The following EOGT variants were observed in gnomAD, a reference collection of about 807,000 sequenced individuals.
EOGT encodes the protein EGF domain specific O-linked N-acetylglucosamine transferase, also known as EGF domain-specific O-linked N-acetylglucosamine transferase.
In EOGT, 55 loss-of-function variants were observed where a neutral mutation model predicts 70.5. That is an observed-to-expected ratio of 0.78 (90% CI 0.63 to 0.98). The LOEUF (loss-of-function observed/expected upper bound fraction) is 0.98, where lower values mean the gene tolerates loss of function less well. Among genes scored for constraint, EOGT ranks in the 50% least tolerant of loss-of-function variants. EOGT has a pLI of 0.00. For synonymous variants in EOGT, 246 were observed against 217.1 expected (o/e 1.13, Z -1.17); for missense variants, 703 against 641.9 (o/e 1.10, Z -1.03).
chr3:68,995,383 G>A lies in EOGT; in HGVS notation c.831+2628C>T, dbSNP rs149336124. ...AAATGGCTTCTTTGACCAAGCGTCCGGGTTTAAAATGGATGCACATGGAGT... is the reference window on the plus strand; with the variant it reads ...AAATGGCTTCTTTGACCAAGCGTCCAGGTTTAAAATGGATGCACATGGAGT... On this transcript the variant is annotated intron_variant, in intron 10 of 17. Transcript: ENST00000383701. Among the ~76,000 whole-genome samples the A allele has an allele frequency of 2.3e-3, 357 of 152,234 alleles. 1 individual carries two copies. Among genetic ancestry groups the A allele is most frequent in the Admixed American group, 0.01 (153 of 15,290 alleles).
In EOGT at chr3:68,976,580, G is replaced by A. The variant is rs1283219111; in HGVS notation, c.*1038C>T. 6.6e-6 allele frequency: 1 copy of A among 151,828 alleles called. No homozygotes were observed. The highest frequency in any genetic ancestry group is 1.5e-5 in the Non-Finnish European group (1 of 67,984). The allele number at this position is 151,828 out of a possible 1,614,324, so 9.4% of individuals were successfully genotyped here. ...AGGTTCTCGATGCATATAACCTGGA[G>A]GTGACTAAACGCTGATCTATAACAT... is the stretch of plus-strand genomic sequence containing the variant. On this transcript the variant is annotated 3_prime_UTR_variant, in exon 18 of 18. Coordinates refer to ENST00000383701, the MANE Select transcript of EOGT (RefSeq NM_001278689.2).
In EOGT at chr3:68,976,454, G is replaced by A. The variant is rs942849344; in HGVS notation, c.*1164C>T. ...GGTATGCAAGACAGTCCTACAGAATGTTCTAATTTGCTTTTATCACATGTA... is the reference window on the plus strand; with the variant it reads ...GGTATGCAAGACAGTCCTACAGAATATTCTAATTTGCTTTTATCACATGTA... On this transcript the variant is annotated 3_prime_UTR_variant, in exon 18 of 18. Coordinates refer to ENST00000383701, the MANE Select transcript of EOGT (RefSeq NM_001278689.2). 1.3e-5 allele frequency: 2 copies of A among 152,176 alleles called. No individual in the cohort carries two copies. The highest frequency in any genetic ancestry group is 4.8e-5 in the African/African-American group (2 of 41,442). The allele number at this position is 152,176 out of a possible 1,614,324, so 9.4% of individuals were successfully genotyped here.
chr3:69,001,254 G>A (rs1045998543), intron 9 of EOGT, among the ~76,000 whole-genome samples: 9 of 152,034 alleles, frequency 5.9e-5, no homozygotes, highest in Admixed American at 1.3e-4. Context: ...CACCGCGCCC[G>A]GCTTAGCTTT....
At position 68,988,366 on chromosome 3, in the gene EOGT, T is replaced by C. The variant is rs747195967; in HGVS notation, c.1012A>G (p.Asn338Asp). The part of the protein sequence containing the change: ...YNTPLISGCQ[N>D]TGLFRAFAQH... ...GCAAATGCCCTGAATAGTCCAGTAT[T>C]TTGACAGCCAGATATCTAAAATAAA... is the stretch of plus-strand genomic sequence containing the variant. Residue 338 changes from asparagine to aspartate, a missense_variant, in exon 13 of 18, where the codon AAT (asparagine) becomes GAT (aspartate). Asn to Asp is a conservative substitution (Grantham distance 23). Coordinates refer to ENST00000383701, the MANE Select transcript of EOGT (RefSeq NM_001278689.2). 107 of 1,535,718 alleles carry C rather than the reference T, an allele frequency of 7.0e-5. No homozygotes were observed. The highest frequency in any genetic ancestry group is 1.7e-4 in the Middle Eastern group (1 of 6,012).
chr3:68,979,648 A>C lies in EOGT; in HGVS notation c.1334+20T>G. On this transcript the variant is annotated intron_variant, in intron 16 of 17. Transcript: ENST00000383701. ...AGCATTATCAGTTGCTTCAGTGTAA[A>C]ACTGCCTCCCAACACTTACAGTTCA... 1 of 1,611,894 alleles carries C rather than the reference A, an allele frequency of 6.2e-7. No individual in the cohort carries two copies. Among genetic ancestry groups the C allele is most frequent in the Non-Finnish European group, 8.5e-7 (1 of 1,179,068 alleles).
intron 8 of EOGT, 73 bp from the exon 9 acceptor site, chr3:69,001,787 A>T (rs149848666): frequency 8.2e-4 from 858 of 1,041,218 alleles, no homozygotes; most frequent in Non-Finnish European, 1.1e-3. Context: ...GTAACTTAGG[A>T]TCTGTTCATT....
At chr3:68,992,891 A>G (rs1010983434) in intron 10 of EOGT, among the ~76,000 whole-genome samples, 2 of 152,134 alleles carry the variant, frequency 1.3e-5, no homozygotes, top group Non-Finnish European at 2.9e-5. Flanking sequence ...TGGGGCTTCC[A>G]CCCTCTGAAG....
chr3:68,997,446 G>T (rs1271391437), intron 10 of EOGT, among the ~76,000 whole-genome samples: 1 of 150,848 alleles, frequency 6.6e-6, no homozygotes, highest in African/African-American at 2.4e-5. Flanking sequence ...TCGGCTCAAT[G>T]CAACCTCCAC....
At chr3:68,980,387 A>G (rs1221551553) in intron 15 of EOGT, among the ~76,000 whole-genome samples, 2 of 152,216 alleles carry the variant, frequency 1.3e-5, no homozygotes, top group African/African-American at 4.8e-5. Context: ...GAACAGACAA[A>G]TCCACAATTT....
Position 69,003,832 on chromosome 3 carries a change from A to T in EOGT, c.620+546T>A, listed in dbSNP as rs189963909. Among the ~76,000 whole-genome samples the T allele has an allele frequency of 1.2e-3, 177 of 152,238 alleles. 1 individual carries two copies. Among genetic ancestry groups the T allele is most frequent in the African/African-American group, 4.2e-3 (173 of 41,540 alleles). On this transcript the variant is annotated intron_variant, in intron 8 of 17. Coordinates refer to ENST00000383701, the MANE Select transcript of EOGT (RefSeq NM_001278689.2). ...GGTGGGTTCACTTTTTCACAATCCA[A>T]ACTGTACCTTTTTCTGTATGCTTTT...
intron 15 of EOGT, among the ~76,000 whole-genome samples, chr3:68,980,169 C>T (rs1453087474): frequency 6.6e-6 from 1 of 152,138 alleles, no homozygotes; most frequent in African/African-American, 2.4e-5. Context: ...GAGCCTGAGG[C>T]CTGCTCTTTC....
chr3:69,009,944 AAAAAAC>A (rs1311636685), intron 3 of EOGT, 84 bp from the exon 4 acceptor site: 10,827 of 647,202 alleles, frequency 0.017, 7 homozygotes, highest in Non-Finnish European at 0.021. Flanking sequence ...AAAAAAAAAA[AAAAAAC>A]AAAGGGTCAA....
At chr3:68,987,876 GT>G in intron 13 of EOGT, 1 of 333,106 alleles carries the variant, frequency 3.0e-6, no homozygotes, top group Non-Finnish European at 5.4e-6. Flanking sequence ...TCTTTTATAG[GT>G]TTTTGACACC....
At position 69,012,517 on chromosome 3, in the gene EOGT, A is replaced by G. The variant is rs1342394022; in HGVS notation, c.-73T>C. The G allele has an allele frequency of 6.6e-6, 1 of 152,362 alleles. No individual in the cohort carries two copies. The highest frequency in any genetic ancestry group is 1.9e-4 in the East Asian group (1 of 5,196). 9.4% of individuals were successfully genotyped at this position (152,362 alleles called of 1,614,324 possible). Reference sequence around the variant, plus strand: ...GCTCTGGCCATCACTAAACTCACCGATCAGTGGAGAAGTAACGCTTAGGCG... The same window carrying G: ...GCTCTGGCCATCACTAAACTCACCGGTCAGTGGAGAAGTAACGCTTAGGCG... On this transcript the variant is annotated splice_region_variant and 5_prime_UTR_variant, in exon 2 of 18. Transcript: ENST00000383701.
chr3:69,011,193 C>CTTTTTTTTTT (rs57904466), intron 3 of EOGT, among the ~76,000 whole-genome samples: 77,891 of 113,178 alleles, frequency 0.69, 28,096 homozygotes, highest in Middle Eastern at 0.74. Flanking sequence ...GATCTTTGTT[C>CTTTTTTTTTT]TTTTTTTTTT....
chr3:68,994,615 A>C (rs965782926), intron 10 of EOGT, among the ~76,000 whole-genome samples: 4 of 152,142 alleles, frequency 2.6e-5, no homozygotes, highest in Admixed American at 2.6e-4. Flanking sequence ...AACATGGTGA[A>C]ACCCTGTCTC....
At chr3:68,981,788 G>T (rs1367026232) in intron 15 of EOGT, among the ~76,000 whole-genome samples, 1 of 151,982 alleles carries the variant, frequency 6.6e-6, no homozygotes, top group Non-Finnish European at 1.5e-5. Flanking sequence ...AAATCTGGCA[G>T]GAGGCAGGGC....
At chr3:68,979,602 A>T in intron 16 of EOGT, 66 bp downstream of exon 16, 1 of 1,535,902 alleles carries the variant, frequency 6.5e-7, no homozygotes, top group Non-Finnish European at 8.9e-7. Flanking sequence ...GCTCAGAATG[A>T]AAGCTTTAGC....
rs778701502 is a variant in EOGT at position 68,998,121 on chromosome 3, T to G, written c.728-7A>C. The G allele has an allele frequency of 1.0e-4, 155 of 1,484,910 alleles. No individual in the cohort carries two copies. Among genetic ancestry groups the G allele is most frequent in the South Asian group, 7.7e-4 (65 of 84,172 alleles). 92.0% of individuals were successfully genotyped at this position (1,484,910 alleles called of 1,614,324 possible). A position where few individuals can be genotyped will look rare whatever the true frequency, so the allele number is the denominator to read the frequency against. On this transcript the variant is annotated splice_polypyrimidine_tract_variant and splice_region_variant and intron_variant, in intron 9 of 17. Transcript: ENST00000383701. ...TGGTGATACATGTTAACACCTAGTG[T>G]TGGAAAATGAAACTACATTAATTAA... is the stretch of plus-strand genomic sequence containing the variant.
Sources: gnomAD v4.1 joint callset for allele counts (sites outside exome capture counted in the v4.1 genomes callset) on GRCh38, gnomAD v4.1.1 for gene constraint, MANE v1.5 for transcripts, NCBI Gene and HGNC (gene_info 2026-07-23, HGNC 2026-07-21) for gene names.